CD5: variants seen among roughly 807,000 people sequenced by gnomAD.
The protein encoded by CD5 is T-cell surface glycoprotein CD5.
CD5 carries 36 observed loss-of-function variants against 60.3 expected under a neutral mutation model. That is an observed-to-expected ratio of 0.60 (90% CI 0.46 to 0.79). CD5 has a LOEUF of 0.79. Among genes scored for constraint, CD5 ranks in the 30% least tolerant of loss-of-function variants. The pLI, the probability that CD5 is intolerant of heterozygous loss-of-function variation, is 0.00. For missense variants in CD5, 540 were observed against 630.6 expected (o/e 0.86, Z 1.54); for synonymous variants, 230 against 257.6 (o/e 0.89, Z 1.03).
chr11:61,122,053 G>C (rs1363706718), intron 6 of CD5, 149 bp downstream of exon 6: 3 of 615,716 alleles, frequency 4.9e-6, no homozygotes, highest in Non-Finnish European at 7.6e-6. Flanking sequence ...GAAATTGGAA[G>C]GCTAGGGAGC....
intron 1 of CD5, among the ~76,000 whole-genome samples, chr11:61,110,082 G>C (rs1860830932): frequency 6.6e-6 from 1 of 152,164 alleles, no homozygotes; most frequent in East Asian, 1.9e-4. Flanking sequence ...CCTGAACACA[G>C]ACCGCAGGGC....
At chr11:61,122,800 C>T in intron 6 of CD5, 107 bp from the exon 7 acceptor site, 1 of 1,244,724 alleles carries the variant, frequency 8.0e-7, no homozygotes, top group Admixed American at 2.2e-5. Flanking sequence ...TGGTGAATTT[C>T]TCAGATGAGC....
At chr11:61,102,460 G>GCCCC, upstream of CD5, 1 of 242,268 alleles carries the variant, frequency 4.1e-6, no homozygotes, top group Non-Finnish European at 8.5e-6. Flanking sequence ...CCCTGAGCAC[G>GCCCC]CCACCCCGCC....
intron 1 of CD5, among the ~76,000 whole-genome samples, chr11:61,106,657 TCTG>T (rs551754760): frequency 1.3e-5 from 2 of 152,148 alleles, no homozygotes; most frequent in Non-Finnish European, 2.9e-5. Context: ...GAACATCTAT[TCTG>T]TGTGTGTGTG....
chr11:61,097,953 G>A (rs1401136963), upstream of CD5, among the ~76,000 whole-genome samples: 2 of 152,184 alleles, frequency 1.3e-5, no homozygotes, highest in Non-Finnish European at 2.9e-5. Context: ...AAATAGATTG[G>A]CTCTCGACTA....
chr11:61,119,304 C>T lies in CD5; in HGVS notation c.534C>T (p.Ser178=), dbSNP rs191860843. 4.3e-5 allele frequency: 70 copies of T among 1,613,802 alleles called. 1 individual carries two copies. Among genetic ancestry groups the T allele is most frequent in the Non-Finnish European group, 5.4e-5 (64 of 1,179,988 alleles). The change falls in exon 5 of 11, where the codon AGC becomes AGT. Residue 178 remains serine, a synonymous_variant. Transcript: ENST00000347785. Reference sequence around the variant, plus strand: ...GTGCCGGCGTGGTGGAGTTCTACAGCGGCAGCCTGGGGGGTACCATCAGCT... The same window carrying T: ...GTGCCGGCGTGGTGGAGTTCTACAGTGGCAGCCTGGGGGGTACCATCAGCT... ...QHCAGVVEFY[S]GSLGGTISYE... is the part of the protein sequence containing the mutation.
upstream of CD5, among the ~76,000 whole-genome samples, chr11:61,101,911 TACACACACACACACACAC>T (rs35648034): frequency 4.2e-5 from 6 of 142,346 alleles, no homozygotes; most frequent in South Asian, 4.7e-4. Context: ...TCTCTCTCTC[TACACACACACACACACAC>T]ACACACACAC....
rs547043782 is a variant in CD5 at position 61,124,246 on chromosome 11, A to C, written c.1279+309A>C. On this transcript the variant is annotated intron_variant, in intron 8 of 10. Transcript: ENST00000347785. ...CCCAGCAGCCCTCACCTCCTCCAGCAGTATTCCCCAACACAGTAGCCAGTG... is the reference window on the plus strand; with the variant it reads ...CCCAGCAGCCCTCACCTCCTCCAGCCGTATTCCCCAACACAGTAGCCAGTG... Among the ~76,000 whole-genome samples, 13 of 152,322 alleles carry C rather than the reference A, an allele frequency of 8.5e-5. No individual in the cohort carries two copies. The South Asian group carries it at 2.7e-3, about 32-fold the overall frequency.
At chr11:61,121,966 C>T (rs1861066599) in intron 6 of CD5, 62 bp downstream of exon 6, 3 of 1,418,172 alleles carry the variant, frequency 2.1e-6, no homozygotes, top group South Asian at 2.9e-5. Flanking sequence ...AGGACCCGGT[C>T]AGGGTGCATG....
chr11:61,111,720 C>T (rs1240244224), intron 1 of CD5, among the ~76,000 whole-genome samples: 3 of 152,234 alleles, frequency 2.0e-5, no homozygotes, highest in Non-Finnish European at 2.9e-5. Flanking sequence ...AGCCCCATGG[C>T]TTGGCTCTCT....
In CD5 at chr11:61,116,866, A is replaced by C. The variant is rs575904042; in HGVS notation, c.95-1309A>C. Among the ~76,000 whole-genome samples, 12 of 149,504 alleles carry C rather than the reference A, an allele frequency of 8.0e-5. No homozygotes were observed. In the East Asian group the frequency reaches 2.4e-3, roughly 30 times the overall value. ...ACACCACCACACACACATCACACAC[A>C]CCACACACACTACACCACACAGACA... On this transcript the variant is annotated intron_variant, in intron 2 of 10. Coordinates refer to ENST00000347785, the MANE Select transcript of CD5 (RefSeq NM_014207.4).
At chr11:61,113,103 A>C (rs1860882248) in intron 1 of CD5, among the ~76,000 whole-genome samples, 1 of 152,182 alleles carries the variant, frequency 6.6e-6, no homozygotes, top group Non-Finnish European at 1.5e-5. Context: ...ACCAAGCAAA[A>C]ATTTCTCACA....
At chr11:61,105,628 A>G (rs1363739084) in intron 1 of CD5, among the ~76,000 whole-genome samples, 1 of 152,346 alleles carries the variant, frequency 6.6e-6, no homozygotes, top group East Asian at 1.9e-4. Context: ...AGGCCTGCAC[A>G]GCCGTCAATC....
At chr11:61,112,387 T>G (rs1179775393) in intron 1 of CD5, among the ~76,000 whole-genome samples, 3 of 152,312 alleles carry the variant, frequency 2.0e-5, no homozygotes, top group East Asian at 1.9e-4. Context: ...CTCATGCTTG[T>G]AATCCCAGCA....
chr11:61,118,599 T>C lies in CD5; in HGVS notation c.400+119T>C. 1 of 992,854 alleles carries C rather than the reference T, an allele frequency of 1.0e-6. No homozygotes were observed. The highest frequency in any genetic ancestry group is 2.5e-5 in the East Asian group (1 of 40,386). The allele number at this position is 992,854 out of a possible 1,614,324, so 61.5% of individuals were successfully genotyped here. ...GGTGGAAGGGGTGGGGGGACCCCAG[T>C]TTATAACCACTCCCCAAGACACATA... On this transcript the variant is annotated intron_variant, in intron 3 of 10. Coordinates refer to ENST00000347785, the MANE Select transcript of CD5 (RefSeq NM_014207.4). The surrounding 1 kb of genome is among the most constrained non-coding windows in gnomAD (Gnocchi z 4.7).
rs377054363 is a variant in CD5, at chr11:61,110,246, T to C, written c.56-4810T>C. Among the ~76,000 whole-genome samples the C allele has an allele frequency of 8.5e-5, 13 of 152,228 alleles. 1 individual carries two copies. The South Asian group carries it at 2.5e-3, about 29-fold the overall frequency. ...TAAAAAAAAAACCTGAACATATTCA[T>C]GGACAGGCTGAAAGAATATACACAA... On this transcript the variant is annotated intron_variant, in intron 1 of 10. Transcript: ENST00000347785.
In CD5 at chr11:61,127,324, T is replaced by G. The variant is rs1861161667; in HGVS notation, c.*1039T>G. The G allele has an allele frequency of 2.0e-5, 2 of 100,396 alleles. No individual in the cohort carries two copies. The highest frequency in any genetic ancestry group is 7.1e-5 in the African/African-American group (2 of 28,364). The allele number at this position is 100,396 out of a possible 1,614,324, so 6.2% of individuals were successfully genotyped here. ...GATCAAGGGAGAGGCCAGGCGCAGC[T>G]CACTGCGGCGGCTCCCTAAGAAGGT... On this transcript the variant is annotated 3_prime_UTR_variant, in exon 11 of 11. Transcript: ENST00000347785.
chr11:61,122,280 A>ATGGATGGATTGGTGGG (rs1335358432), intron 6 of CD5, among the ~76,000 whole-genome samples: 5 of 129,184 alleles, frequency 3.9e-5, no homozygotes, highest in Non-Finnish European at 8.0e-5. Context: ...GGATGGATGG[A>ATGGATGGATTGGTGGG]TGGATGGATT....
At chr11:61,101,521 A>C (rs1426282052), upstream of CD5, among the ~76,000 whole-genome samples, 1 of 151,892 alleles carries the variant, frequency 6.6e-6, no homozygotes, top group African/African-American at 2.4e-5. Flanking sequence ...CAACATGGAG[A>C]TCACACACAC....
Sources: gnomAD v4.1 joint callset for allele counts (sites outside exome capture counted in the v4.1 genomes callset) on GRCh38, gnomAD v4.1.1 for gene constraint, Gnocchi (gnomAD v3.1) non-coding constraint, MANE v1.5 for transcripts, NCBI Gene and HGNC (gene_info 2026-07-23, HGNC 2026-07-21) for gene names.